Variants in PRELID2 observed in about 807,000 individuals in gnomAD.
PRELID2 encodes the protein PRELI domain-containing protein 2.
Under a neutral mutation model 28.4 loss-of-function variants are expected in PRELID2, and 25 were observed. The observed-to-expected ratio is 0.88, with a 90% CI of 0.64 to 1.23. PRELID2 has a LOEUF of 1.23. Among genes scored for constraint, PRELID2 ranks in the 50% most tolerant of loss-of-function variants. The pLI is 0.00. For missense variants in PRELID2, 201 were observed against 214.4 expected (o/e 0.94, Z 0.39); for synonymous variants, 76 against 71.6 (o/e 1.06, Z -0.31).
intron 4 of PRELID2, among the ~76,000 whole-genome samples, chr5:145,817,033 A>G (rs1167396161): frequency 6.6e-6 from 1 of 150,694 alleles, no homozygotes; most frequent in African/African-American, 2.4e-5. Flanking sequence ...ATGGTGACAC[A>G]TGCCTGAAAC....
At chr5:145,674,605 C>G (rs891827506) in intron 1 of PRELID2, among the ~76,000 whole-genome samples, 3 of 152,060 alleles carry the variant, frequency 2.0e-5, no homozygotes, top group African/African-American at 7.2e-5. Context: ...TGGATCTATT[C>G]CTCACTCCAT....
At chr5:145,781,848 G>GT (rs1751655641) in intron 5 of PRELID2, among the ~76,000 whole-genome samples, 1 of 151,090 alleles carries the variant, frequency 6.6e-6, no homozygotes, top group Non-Finnish European at 1.5e-5. Context: ...GGCCAGAGCT[G>GT]TAGCAGCTTT....
chr5:145,631,789 C>T (rs1581014601), intron 1 of PRELID2, among the ~76,000 whole-genome samples: 1 of 152,264 alleles, frequency 6.6e-6, no homozygotes, highest in South Asian at 2.1e-4. Context: ...AAACTTAAAG[C>T]ACCCATTTTG....
At chr5:145,640,644 A>C (rs1477480871) in intron 1 of PRELID2, among the ~76,000 whole-genome samples, 1 of 120,116 alleles carries the variant, frequency 8.3e-6, no homozygotes, top group Non-Finnish European at 1.6e-5. Flanking sequence ...ACTCTGTCTC[A>C]AAAAAAAAAA....
At chr5:145,481,464 A>C (rs1350782373) in intron 1 of PRELID2, among the ~76,000 whole-genome samples, 1 of 151,792 alleles carries the variant, frequency 6.6e-6, no homozygotes, top group Non-Finnish European at 1.5e-5. Flanking sequence ...TTTTGCCTGA[A>C]AATATTATTT....
the PRELID2 span, among the ~76,000 whole-genome samples, chr5:145,404,335 A>C: frequency 6.6e-6 from 1 of 152,248 alleles, no homozygotes; most frequent in Admixed American, 6.5e-5. Context: ...TCAAAAGGAC[A>C]ACACAAGCAA....
the PRELID2 span, among the ~76,000 whole-genome samples, chr5:145,322,913 G>A: frequency 5.3e-5 from 8 of 152,020 alleles, no homozygotes; most frequent in South Asian, 2.1e-4. Context: ...CCCGGAAGGC[G>A]GAGGTTGCAG....
the PRELID2 span, among the ~76,000 whole-genome samples, chr5:145,465,262 T>A: frequency 6.6e-6 from 1 of 152,130 alleles, no homozygotes; most frequent in African/African-American, 2.4e-5. Flanking sequence ...GCCCCACCCA[T>A]CAAAGATTCT....
chr5:145,776,126 C>T (rs1178098172), intron 5 of PRELID2, among the ~76,000 whole-genome samples: 1 of 152,130 alleles, frequency 6.6e-6, no homozygotes, highest in Admixed American at 6.6e-5. Flanking sequence ...AACTGTGGTC[C>T]AAAAATATTA....
intron 1 of PRELID2, among the ~76,000 whole-genome samples, chr5:145,589,905 C>A (rs980345239): frequency 3.9e-5 from 6 of 152,146 alleles, no homozygotes; most frequent in Admixed American, 6.6e-5. Context: ...TTTGCACAAA[C>A]AACAAATGCA....
At chr5:145,508,515 G>A (rs1320889735) in intron 1 of PRELID2, among the ~76,000 whole-genome samples, 1 of 151,774 alleles carries the variant, frequency 6.6e-6, no homozygotes, top group African/African-American at 2.4e-5. Context: ...TTAATGGGAT[G>A]GTGACTGAAT....
rs192136279 is a variant in PRELID2, at chr5:145,651,886, G to A, written n.70+113045C>T. On this transcript the variant is annotated intron_variant and non_coding_transcript_variant, in intron 1 of 2. Coordinates refer to the PRELID2 transcript ENST00000510259. ...AGGAACGCAGCTCCTCGCCAGCAAT[G>A]GAACAAAGCTGGATGGAGAATGACT... Among the ~76,000 whole-genome samples, 376 of 152,322 alleles carry A rather than the reference G, an allele frequency of 2.5e-3. 4 individuals carry two copies. The highest frequency in any genetic ancestry group is 8.5e-3 in the African/African-American group (352 of 41,572).
chr5:145,827,712 T>C (rs1295479574), intron 1 of PRELID2, among the ~76,000 whole-genome samples: 1 of 152,152 alleles, frequency 6.6e-6, no homozygotes. Flanking sequence ...ATAAACCCAG[T>C]GCAGCTAAAG....
chr5:145,764,146 C>G (rs1757610632), intron 6 of PRELID2, among the ~76,000 whole-genome samples: 2 of 152,050 alleles, frequency 1.3e-5, no homozygotes, highest in South Asian at 4.1e-4. Flanking sequence ...AGATGTAAAC[C>G]TATCATACTC....
chr5:145,255,342 TA>T, the PRELID2 span, among the ~76,000 whole-genome samples: 1 of 151,542 alleles, frequency 6.6e-6, no homozygotes, highest in African/African-American at 2.4e-5. Flanking sequence ...ATAAATGGAA[TA>T]AAAACTATAG....
At chr5:145,241,422 T>C in the PRELID2 span, among the ~76,000 whole-genome samples, 1 of 151,990 alleles carries the variant, frequency 6.6e-6, no homozygotes, top group Non-Finnish European at 1.5e-5. Flanking sequence ...CATGCAACCA[T>C]CATTCACCAA....
the PRELID2 span, among the ~76,000 whole-genome samples, chr5:145,340,778 T>TATATATATAC: frequency 4.5e-4 from 58 of 129,162 alleles, 2 homozygotes; most frequent in African/African-American, 2.1e-3. Context: ...TACATATATA[T>TATATATATAC]ATATATATAT....
At chr5:145,345,599 C>T in the PRELID2 span, among the ~76,000 whole-genome samples, 4 of 152,086 alleles carry the variant, frequency 2.6e-5, no homozygotes, top group African/African-American at 9.7e-5. Context: ...CTATAGCTGG[C>T]ATTGCTTACT....
chr5:145,258,035 C>T, the PRELID2 span, among the ~76,000 whole-genome samples: 1 of 152,158 alleles, frequency 6.6e-6, no homozygotes, highest in African/African-American at 2.4e-5. Flanking sequence ...TTTCCTGCTC[C>T]TGCCATGTAA....
Sources: gnomAD v4.1 joint callset for allele counts (sites outside exome capture counted in the v4.1 genomes callset) on GRCh38, gnomAD v4.1.1 for gene constraint, MANE v1.5 for transcripts, NCBI Gene and HGNC (gene_info 2026-07-23, HGNC 2026-07-21) for gene names.